Variants in WDR43 observed in about 807,000 individuals in gnomAD.
WDR43 encodes WD repeat domain 43.
In WDR43, 13 loss-of-function variants were observed where a neutral mutation model predicts 91.4. That is an observed-to-expected ratio of 0.14 (90% CI 0.09 to 0.23). The LOEUF (loss-of-function observed/expected upper bound fraction) is 0.23. Ranked by LOEUF, WDR43 falls within the 10% of genes least tolerant of loss-of-function variation. The pLI is 1.00. For synonymous variants in WDR43, 331 were observed against 287.9 expected, an observed-to-expected ratio of 1.15 and a Z score of -1.51; for missense variants, 780 against 809.4, an observed-to-expected ratio of 0.96 and a Z score of 0.44.
At chr2:28,912,461 G>A (rs1670820319) in intron 3 of WDR43, 129 bp from the exon 4 acceptor site, 9 of 1,116,910 alleles carry the variant, frequency 8.1e-6, no homozygotes, top group Non-Finnish European at 1.2e-5. Context: ...AGCTTTTAGG[G>A]AATGTAATTG....
At chr2:28,898,191 A>G (rs1572577151) in intron 1 of WDR43, among the ~76,000 whole-genome samples, 1 of 152,320 alleles carries the variant, frequency 6.6e-6, no homozygotes, top group Non-Finnish European at 1.5e-5. Context: ...ATCACAGTAA[A>G]TGTGTTTATA....
At chr2:28,913,930 A>G (rs1349743212) in intron 4 of WDR43, 139 bp from the exon 5 acceptor site, 1 of 978,120 alleles carries the variant, frequency 1.0e-6, no homozygotes, top group African/African-American at 1.6e-5. Flanking sequence ...ATTTGCTTAG[A>G]ATTGAATTGA....
chr2:28,902,917 A>G (rs867841978), intron 2 of WDR43, among the ~76,000 whole-genome samples: 1 of 152,220 alleles, frequency 6.6e-6, no homozygotes, highest in East Asian at 1.9e-4. Flanking sequence ...ACTTCTGTAT[A>G]TAGGAGTGTT....
intron 16 of WDR43, among the ~76,000 whole-genome samples, chr2:28,945,208 A>T (rs1296179016): frequency 2.6e-5 from 4 of 152,120 alleles, no homozygotes; most frequent in Admixed American, 1.3e-4. Context: ...AAGAAAAAGT[A>T]GATAGAAGAA....
chr2:28,913,078 C>T (rs560192613), intron 4 of WDR43, among the ~76,000 whole-genome samples: 13 of 151,162 alleles, frequency 8.6e-5, no homozygotes, highest in Non-Finnish European at 1.2e-4. Flanking sequence ...CTCAGCCTCC[C>T]GAGTAGCTGG....
intron 2 of WDR43, among the ~76,000 whole-genome samples, chr2:28,902,537 C>T (rs190674156): frequency 1.1e-4 from 16 of 152,182 alleles, no homozygotes; most frequent in African/African-American, 3.1e-4. Flanking sequence ...GGCATGGGAT[C>T]GAGACTTCAA....
chr2:28,906,823 C>CATT (rs1670690682), intron 3 of WDR43, among the ~76,000 whole-genome samples: 2 of 152,054 alleles, frequency 1.3e-5, no homozygotes, highest in African/African-American at 2.4e-5. Flanking sequence ...TATTTGTCAG[C>CATT]CGAGTACAGT....
At chr2:28,931,874 CTTT>C (rs11352086) in intron 11 of WDR43, among the ~76,000 whole-genome samples, 15 of 128,332 alleles carry the variant, frequency 1.2e-4, no homozygotes, top group Admixed American at 1.6e-4. Context: ...TCCCCCCGCC[CTTT>C]TTTTTTTTTT....
At chr2:28,936,519 G>A (rs572766831) in intron 12 of WDR43, among the ~76,000 whole-genome samples, 2 of 151,996 alleles carry the variant, frequency 1.3e-5, no homozygotes, top group Admixed American at 6.6e-5. Context: ...TTTAAAAATC[G>A]AGATACAATT....
intron 6 of WDR43, among the ~76,000 whole-genome samples, chr2:28,921,123 T>TA (rs752901999): frequency 2.4e-4 from 34 of 141,726 alleles, no homozygotes; most frequent in Non-Finnish European, 3.2e-4. Flanking sequence ...CAGAACTTTT[T>TA]AAAAAAAATT....
intron 15 of WDR43, 65 bp downstream of exon 15, chr2:28,941,639 G>A: frequency 1.6e-6 from 2 of 1,243,008 alleles, no homozygotes; most frequent in Non-Finnish European, 2.3e-6. Flanking sequence ...AGAGGAATAA[G>A]GATCATTTTG....
At chr2:28,924,634 A>G (rs150752277) in intron 7 of WDR43, among the ~76,000 whole-genome samples, 2 of 152,152 alleles carry the variant, frequency 1.3e-5, no homozygotes, top group Non-Finnish European at 2.9e-5. Context: ...GTTGGGAGAA[A>G]CTGGAGACGG....
chr2:28,904,514 T>G (rs972496929), intron 2 of WDR43, among the ~76,000 whole-genome samples: 1 of 152,222 alleles, frequency 6.6e-6, no homozygotes, highest in Non-Finnish European at 1.5e-5. Flanking sequence ...AATAGTATTA[T>G]GTAACCTCAC....
chr2:28,943,988 G>C (rs907951384), intron 16 of WDR43, among the ~76,000 whole-genome samples: 1 of 152,194 alleles, frequency 6.6e-6, no homozygotes, highest in African/African-American at 2.4e-5. Flanking sequence ...CAAAGTGCTT[G>C]TGTGTATCCC....
At chr2:28,926,616 G>A in intron 9 of WDR43, 62 bp downstream of exon 9, 1 of 1,368,860 alleles carries the variant, frequency 7.3e-7, no homozygotes, top group South Asian at 1.3e-5. Context: ...GAATGGAACT[G>A]TTACTTAGTA....
rs1166021175 is a variant in WDR43, at chr2:28,942,376, A to G, written c.1799A>G (p.Glu600Gly). 1 of 1,613,290 alleles carries G rather than the reference A, an allele frequency of 6.2e-7. No homozygotes were observed. The highest frequency in any genetic ancestry group is 1.1e-5 in the South Asian group (1 of 90,888). Residue 600 changes from glutamate (E) to glycine (G), a missense_variant, in exon 16 of 18, where the codon GAA becomes GGA. Transcript: ENST00000407426. ...GGACAGAAGGCAAAGTTGGTGTATGAAGAAGGTAAAGACTGGGGGAATGGG... is the reference window on the plus strand; with the variant it reads ...GGACAGAAGGCAAAGTTGGTGTATGGAGAAGGTAAAGACTGGGGGAATGGG... ...SPGQKAKLVY[E>G]EESSEEESDD...
In WDR43 at chr2:28,921,101, TAAAG is replaced by T. The variant is rs111476072; in HGVS notation, c.850-1815_850-1812del. ...GCATTATATTTAAAATTATTGATAA[TAAAG>T]AAGGGAGCAGAACTTTTTAAAAAAA... is the stretch of plus-strand genomic sequence containing the variant. On this transcript the variant is annotated intron_variant, in intron 6 of 17. Transcript: ENST00000407426. Among the ~76,000 whole-genome samples the T allele has an allele frequency of 1.5e-3, 225 of 151,824 alleles. 2 individuals carry two copies. Among genetic ancestry groups the T allele is most frequent in the South Asian group, 6.4e-3 (31 of 4,818 alleles).
chr2:28,912,787 ATAT>A lies in WDR43; in HGVS notation c.606+82_606+84del, dbSNP rs2148184369. The A allele has an allele frequency of 5.2e-6, 8 of 1,538,608 alleles. No homozygotes were observed. The South Asian group carries it at 8.6e-5, about 17-fold the overall frequency. On this transcript the variant is annotated intron_variant, in intron 4 of 17. Coordinates refer to ENST00000407426, the MANE Select transcript of WDR43 (RefSeq NM_015131.3). ...GAAAGGCAGAAGTTTGAACCATAAG[ATAT>A]TATTTTAAGAATACAAATTCTTCAT...
rs540692964 is a variant in WDR43, at chr2:28,922,033, C to T, written c.850-886C>T. 2.6e-4 allele frequency among the ~76,000 whole-genome samples: 39 copies of T among 152,308 alleles called. No individual in the cohort carries two copies. In the South Asian group the frequency reaches 8.1e-3, roughly 32 times the overall value. ...CCCTCCCCTGACAACTGTCATGTAG[C>T]ACTAAACGTCAGAAAGAATGAAATT... On this transcript the variant is annotated intron_variant, in intron 6 of 17. Coordinates refer to ENST00000407426, the MANE Select transcript of WDR43 (RefSeq NM_015131.3).
Sources: gnomAD v4.1 joint callset for allele counts (sites outside exome capture counted in the v4.1 genomes callset) on GRCh38, gnomAD v4.1.1 for gene constraint, MANE v1.5 for transcripts, NCBI Gene and HGNC (gene_info 2026-07-23, HGNC 2026-07-21) for gene names.